BMP5: variants seen among roughly 807,000 people sequenced by gnomAD.
BMP5 encodes the protein bone morphogenetic protein 5.
In BMP5, 23 loss-of-function variants were observed where a neutral mutation model predicts 46.6. The observed-to-expected ratio is 0.49, with a 90% CI of 0.35 to 0.70. The LOEUF is 0.70. BMP5 is among the 30% of genes least tolerant of loss of function. The pLI is 0.00. For synonymous variants in BMP5, 204 were observed against 191.9 expected (o/e 1.06, Z -0.52); for missense variants, 545 against 565.6 (o/e 0.96, Z 0.37).
chr6:55,755,254 T>C lies in BMP5; in HGVS notation c.*279A>G, dbSNP rs1399104227. The stretch of plus-strand genomic sequence containing the variant: ...ATTAGAAAAAAATGTTGAAATGGAA[T>C]TGAATGGACTCAGCATAACCCATTG... On this transcript the variant is annotated 3_prime_UTR_variant, in exon 7 of 7. Transcript: ENST00000370830. 2 of 237,144 alleles carry C rather than the reference T, an allele frequency of 8.4e-6. No homozygotes were observed. Among genetic ancestry groups the C allele is most frequent in the Non-Finnish European group, 1.6e-5 (2 of 123,446 alleles). The allele number at this position is 237,144 out of a possible 1,614,324, so 14.7% of individuals were successfully genotyped here. A position where few individuals can be genotyped will look rare whatever the true frequency, so the allele number is the denominator to read the frequency against.
chr6:55,839,604 C>A (rs1776902380), intron 1 of BMP5, among the ~76,000 whole-genome samples: 1 of 152,170 alleles, frequency 6.6e-6, no homozygotes. Context: ...CATGAGCCAC[C>A]ATGCTTGGTC....
chr6:55,817,275 A>C (rs1165513285), intron 2 of BMP5, among the ~76,000 whole-genome samples: 1 of 152,242 alleles, frequency 6.6e-6, no homozygotes, highest in African/African-American at 2.4e-5. Flanking sequence ...ATTATAAATC[A>C]TGCTGCTATA....
At chr6:55,777,530 G>T (rs137904530) in intron 3 of BMP5, among the ~76,000 whole-genome samples, 1 of 151,916 alleles carries the variant, frequency 6.6e-6, no homozygotes, top group African/African-American at 2.4e-5. Context: ...GAAAATGGGG[G>T]TGAGGTAACA....
chr6:55,813,134 T>C (rs1306126140), intron 2 of BMP5, among the ~76,000 whole-genome samples: 3 of 152,128 alleles, frequency 2.0e-5, no homozygotes, highest in Non-Finnish European at 4.4e-5. Context: ...ATCCTAGTGT[T>C]TTTTGTTTTG....
At chr6:55,812,943 T>C (rs930241184) in intron 2 of BMP5, among the ~76,000 whole-genome samples, 2 of 152,232 alleles carry the variant, frequency 1.3e-5, no homozygotes, top group Non-Finnish European at 2.9e-5. Context: ...TCCAAAGTTG[T>C]GGTAACTATT....
chr6:55,843,990 A>G (rs773820621), intron 1 of BMP5, among the ~76,000 whole-genome samples: 1 of 152,084 alleles, frequency 6.6e-6, no homozygotes, highest in East Asian at 1.9e-4. Flanking sequence ...TCACATCTCT[A>G]TGAACATATA....
chr6:55,822,365 C>A (rs1582094123), intron 1 of BMP5, among the ~76,000 whole-genome samples: 1 of 152,028 alleles, frequency 6.6e-6, no homozygotes, highest in Non-Finnish European at 1.5e-5. Context: ...CTCTTTTTAT[C>A]CCAGTTTCTA....
chr6:55,853,673 T>G (rs1439158493), intron 1 of BMP5, among the ~76,000 whole-genome samples: 1 of 152,198 alleles, frequency 6.6e-6, no homozygotes, highest in African/African-American at 2.4e-5. Flanking sequence ...TTTCATAATA[T>G]GTATGTAAGT....
At chr6:55,760,649 T>C (rs1774751834) in intron 4 of BMP5, 116 bp from the exon 5 acceptor site, 1 of 882,626 alleles carries the variant, frequency 1.1e-6, no homozygotes. Context: ...TGTGGAAAAA[T>C]GAGTTTCAAT....
At chr6:55,872,700 G>C (rs757848782) in intron 1 of BMP5, among the ~76,000 whole-genome samples, 1 of 151,634 alleles carries the variant, frequency 6.6e-6, no homozygotes, top group Non-Finnish European at 1.5e-5. Context: ...CTGAGCTATC[G>C]TTTATTAAAA....
intron 4 of BMP5, chr6:55,772,966 C>T: frequency 5.2e-6 from 5 of 967,648 alleles, no homozygotes; most frequent in Non-Finnish European, 6.1e-6. Context: ...TATCTAAACA[C>T]TCATGCATGT....
chr6:55,800,367 T>C (rs1053484475), intron 2 of BMP5, among the ~76,000 whole-genome samples: 5 of 152,234 alleles, frequency 3.3e-5, no homozygotes, highest in Non-Finnish European at 7.3e-5. Context: ...CAAACTATTA[T>C]AGTTTTGTCT....
chr6:55,801,000 G>A (rs913433784), intron 2 of BMP5, among the ~76,000 whole-genome samples: 2 of 152,142 alleles, frequency 1.3e-5, no homozygotes, highest in African/African-American at 4.8e-5. Flanking sequence ...AAAACAAGTT[G>A]GGTAGAAACA....
At chr6:55,787,271 G>T (rs2127526337) in intron 3 of BMP5, among the ~76,000 whole-genome samples, 1 of 151,658 alleles carries the variant, frequency 6.6e-6, no homozygotes, top group South Asian at 2.1e-4. Flanking sequence ...TTTAAAAATA[G>T]CAGATTCTAG....
chr6:55,769,022 T>C (rs932198139), intron 4 of BMP5, among the ~76,000 whole-genome samples: 4 of 152,014 alleles, frequency 2.6e-5, no homozygotes, highest in African/African-American at 9.7e-5. Context: ...AGTGATCATC[T>C]GAGTCTTCAG....
intron 3 of BMP5, among the ~76,000 whole-genome samples, chr6:55,784,949 T>C (rs1480886127): frequency 6.6e-6 from 1 of 151,814 alleles, no homozygotes. Context: ...CTACATTTAC[T>C]CGTGTACAAA....
intron 6 of BMP5, among the ~76,000 whole-genome samples, chr6:55,756,966 CAT>C (rs769508565): frequency 2.0e-5 from 3 of 151,828 alleles, no homozygotes; most frequent in Non-Finnish European, 2.9e-5. Flanking sequence ...ACAGAACAAA[CAT>C]AAAGCGTGCA....
intron 2 of BMP5, among the ~76,000 whole-genome samples, chr6:55,795,836 T>C (rs1357691994): frequency 6.6e-6 from 1 of 152,158 alleles, no homozygotes; most frequent in Non-Finnish European, 1.5e-5. Flanking sequence ...TTTTTTCACA[T>C]CTGATATAGG....
At chr6:55,794,596 T>A (rs1396953713) in intron 2 of BMP5, among the ~76,000 whole-genome samples, 169 bp from the exon 3 acceptor site, 1 of 152,204 alleles carries the variant, frequency 6.6e-6, no homozygotes, top group African/African-American at 2.4e-5. Flanking sequence ...AAAACCTTTG[T>A]TACTAGGCTC....
Sources: gnomAD v4.1 joint callset for allele counts (sites outside exome capture counted in the v4.1 genomes callset) on GRCh38, gnomAD v4.1.1 for gene constraint, MANE v1.5 for transcripts, NCBI Gene and HGNC (gene_info 2026-07-23, HGNC 2026-07-21) for gene names.